The following TDRD12 variants were observed in gnomAD, a reference collection of about 807,000 sequenced individuals.
TDRD12 encodes the protein tudor domain containing 12, also known as putative ATP-dependent RNA helicase TDRD12.
TDRD12 carries 158 observed loss-of-function variants against 133.5 expected under a neutral mutation model. The ratio of observed to expected loss-of-function variants is 1.18; its 90% CI spans 1.04 to 1.35. TDRD12 has a LOEUF of 1.35. Ranked by LOEUF, TDRD12 falls within the 40% of genes most tolerant of loss-of-function variation. TDRD12 has a pLI of 0.00. For synonymous variants in TDRD12, 460 were observed against 477.9 expected, an observed-to-expected ratio of 0.96 and a Z score of 0.49; for missense variants, 1,443 against 1,321.3, an observed-to-expected ratio of 1.09 and a Z score of -1.43.
At chr19:32,814,182 A>G (rs1354734902) in intron 25 of TDRD12, among the ~76,000 whole-genome samples, 1 of 152,172 alleles carries the variant, frequency 6.6e-6, no homozygotes, top group Non-Finnish European at 1.5e-5. Flanking sequence ...TGAGCAAAGC[A>G]GACGAAGCCC....
At chr19:32,773,361 C>A in intron 9 of TDRD12, 95 bp from the exon 10 acceptor site, 1 of 1,089,968 alleles carries the variant, frequency 9.2e-7, no homozygotes, top group Non-Finnish European at 1.4e-6. Flanking sequence ...GATGGTTGTT[C>A]ATGAGAATAA....
chr19:32,760,561 C>G (rs1448922465), intron 8 of TDRD12, among the ~76,000 whole-genome samples: 1 of 152,196 alleles, frequency 6.6e-6, no homozygotes, highest in African/African-American at 2.4e-5. Flanking sequence ...AGGATGTCCC[C>G]TAGAGATAAA....
chr19:32,813,128 A>T lies in TDRD12; in HGVS notation c.3049-556A>T, dbSNP rs573515116. On this transcript the variant is annotated intron_variant, in intron 24 of 27. Coordinates refer to ENST00000444215, the Ensembl canonical transcript of TDRD12. ...GAGTTCGAGGCTGCAGTGAGCTATG[A>T]TTGCGCCACTGCACTCCAGCCTGGG... is the stretch of plus-strand genomic sequence containing the variant. 4.6e-5 allele frequency among the ~76,000 whole-genome samples: 7 copies of T among 152,230 alleles called. 1 individual carries two copies. Among genetic ancestry groups the T allele is most frequent in the African/African-American group, 1.7e-4 (7 of 41,556 alleles).
At chr19:32,743,050 C>T (rs1295282517) in intron 4 of TDRD12, 150 bp downstream of exon 4, 1 of 1,013,800 alleles carries the variant, frequency 9.9e-7, no homozygotes, top group Non-Finnish European at 1.4e-6. Flanking sequence ...TTTGTCTGAC[C>T]TGGCTGTGGT....
In TDRD12 at chr19:32,805,826, G is replaced by T. The variant is rs372941656; in HGVS notation, c.2553-1723G>T. On this transcript the variant is annotated intron_variant, in intron 21 of 27. Transcript: ENST00000444215. Reference sequence around the variant, plus strand: ...GGCTCACTGCAACCTCCTCCTTCTGGGTTCAAACAATTCTCCTGCCTCAGC... The same window carrying T: ...GGCTCACTGCAACCTCCTCCTTCTGTGTTCAAACAATTCTCCTGCCTCAGC... 1.4e-4 allele frequency among the ~76,000 whole-genome samples: 21 copies of T among 150,344 alleles called. No individual in the cohort carries two copies. The South Asian group carries it at 4.2e-3, about 30-fold the overall frequency.
Position 32,756,201 on chromosome 19 carries a change from A to G in TDRD12, c.772+20A>G. ...TGGAAGGTGAGTAGATTCTCATCATATCAATTTCCCTTACATTGTTTTATT... is the reference window on the plus strand; with the variant it reads ...TGGAAGGTGAGTAGATTCTCATCATGTCAATTTCCCTTACATTGTTTTATT... On this transcript the variant is annotated intron_variant, in intron 7 of 27. Coordinates refer to ENST00000444215, the Ensembl canonical transcript of TDRD12. 2 of 1,397,266 alleles carry G rather than the reference A, an allele frequency of 1.4e-6. No individual in the cohort carries two copies. The highest frequency in any genetic ancestry group is 1.9e-6 in the Non-Finnish European group (2 of 1,077,144). The allele number at this position is 1,397,266 out of a possible 1,614,324, so 86.6% of individuals were successfully genotyped here. A position where few individuals can be genotyped will look rare whatever the true frequency, so the allele number is the denominator to read the frequency against.
intron 11 of TDRD12, among the ~76,000 whole-genome samples, chr19:32,787,912 C>T (rs1970956612): frequency 6.6e-6 from 1 of 152,146 alleles, no homozygotes; most frequent in African/African-American, 2.4e-5. Context: ...CGACACTCCA[C>T]CCTGCTTCAG....
At chr19:32,822,811 A>G (rs566079466), downstream of TDRD12, among the ~76,000 whole-genome samples, 1 of 151,878 alleles carries the variant, frequency 6.6e-6, no homozygotes, top group East Asian at 1.9e-4. Flanking sequence ...AGTGAGGGAG[A>G]AGGAAAGGAG....
chr19:32,744,507 A>AAC (rs1969534265), intron 4 of TDRD12, among the ~76,000 whole-genome samples: 5 of 141,542 alleles, frequency 3.5e-5, no homozygotes, highest in Non-Finnish European at 7.8e-5. Context: ...CTCAAAAAAA[A>AAC]AAAAAAAAAA....
chr19:32,754,099 G>A (rs1029986621), intron 6 of TDRD12, among the ~76,000 whole-genome samples: 1 of 152,066 alleles, frequency 6.6e-6, no homozygotes, highest in Non-Finnish European at 1.5e-5. Flanking sequence ...TGCATGTTGG[G>A]TTCCCTAAAT....
At position 32,792,577 on chromosome 19, in the gene TDRD12, T is replaced by C. The variant is rs138201799; in HGVS notation, c.1287+1509T>C. Among the ~76,000 whole-genome samples, 14 of 151,738 alleles carry C rather than the reference T, an allele frequency of 9.2e-5. No homozygotes were observed. In the East Asian group the frequency reaches 2.5e-3, roughly 27 times the overall value. On this transcript the variant is annotated intron_variant, in intron 13 of 27. Transcript: ENST00000444215. Reference sequence around the variant, plus strand: ...AAAGAGACGGAAATAGGAGGAAAAATTTTTGAGGGTCAGTTTGAGGTCCGG... The same window carrying C: ...AAAGAGACGGAAATAGGAGGAAAAACTTTTGAGGGTCAGTTTGAGGTCCGG...
Position 32,756,948 on chromosome 19 carries a change from G to A in TDRD12, c.773-90G>A, listed in dbSNP as rs897320165. 13 of 1,153,704 alleles carry A rather than the reference G, an allele frequency of 1.1e-5. No individual in the cohort carries two copies. The East Asian group carries it at 2.6e-4, about 23-fold the overall frequency. The allele number at this position is 1,153,704 out of a possible 1,614,324, so 71.5% of individuals were successfully genotyped here. On this transcript the variant is annotated intron_variant, in intron 7 of 27. Coordinates refer to ENST00000444215, the Ensembl canonical transcript of TDRD12. Reference sequence around the variant, plus strand: ...GGTTTCCTGTAACCTCAGAGCAAAAGCAAGAGCAGAAGTAATGTACTAACG... The same window carrying A: ...GGTTTCCTGTAACCTCAGAGCAAAAACAAGAGCAGAAGTAATGTACTAACG...
intron 11 of TDRD12, 24 bp from the exon 12 acceptor site, chr19:32,790,507 A>G (rs1971037577): frequency 6.5e-7 from 1 of 1,546,728 alleles, no homozygotes. Context: ...TTTTCTTCAC[A>G]TTCTTCTTTT....
chr19:32,789,506 C>T (rs917412456), intron 11 of TDRD12, among the ~76,000 whole-genome samples: 2 of 152,130 alleles, frequency 1.3e-5, no homozygotes, highest in Admixed American at 6.5e-5. Context: ...CATTTCATAT[C>T]GATGGGCTCA....
In TDRD12 at chr19:32,820,917, C is replaced by T. The variant is rs570439190; in HGVS notation, c.3384-116C>T. ...GGCATCTTAAATGTCATAAGCTCTACGTGGGTCTGACTCCACGGCCACAGG... is the reference window on the plus strand; with the variant it reads ...GGCATCTTAAATGTCATAAGCTCTATGTGGGTCTGACTCCACGGCCACAGG... On this transcript the variant is annotated intron_variant, in intron 27 of 27. Coordinates refer to ENST00000444215, the Ensembl canonical transcript of TDRD12. 36 of 722,364 alleles carry T rather than the reference C, an allele frequency of 5.0e-5. 1 individual carries two copies. Among genetic ancestry groups the T allele is most frequent in the African/African-American group, 4.6e-4 (26 of 56,428 alleles). The allele number at this position is 722,364 out of a possible 1,614,324, so 44.7% of individuals were successfully genotyped here.
intron 16 of TDRD12, among the ~76,000 whole-genome samples, chr19:32,799,172 T>C (rs1458372939): frequency 1.3e-5 from 2 of 152,180 alleles, no homozygotes; most frequent in African/African-American, 4.8e-5. Flanking sequence ...ACCAAGGGTA[T>C]GCACTTGGGA....
At chr19:32,800,126 CT>C in intron 16 of TDRD12, 40 bp from the exon 17 acceptor site, 1 of 1,184,644 alleles carries the variant, frequency 8.4e-7, no homozygotes, top group Non-Finnish European at 1.2e-6. Context: ...AGTTCTTACT[CT>C]TTTGAAATAA....
chr19:32,787,369 A>T (rs1373186246), intron 11 of TDRD12, among the ~76,000 whole-genome samples: 1 of 152,224 alleles, frequency 6.6e-6, no homozygotes, highest in Admixed American at 6.5e-5. Context: ...GTCAGGCTAC[A>T]CATGAGTCAG....
intron 4 of TDRD12, among the ~76,000 whole-genome samples, chr19:32,744,513 A>C (rs1339340415): frequency 1.3e-5 from 2 of 150,554 alleles, no homozygotes; most frequent in East Asian, 1.9e-4. Context: ...AAAAAAAAAA[A>C]AAAAAAAAAA....
Sources: gnomAD v4.1 joint callset for allele counts (sites outside exome capture counted in the v4.1 genomes callset) on GRCh38, gnomAD v4.1.1 for gene constraint, MANE v1.5 for transcripts, NCBI Gene and HGNC (gene_info 2026-07-23, HGNC 2026-07-21) for gene names.